Variants in TBX10 observed in about 807,000 individuals in gnomAD.
The protein encoded by TBX10 is T-box transcription factor TBX10.
Under a neutral mutation model 32.4 loss-of-function variants are expected in TBX10, and 26 were observed. That is an observed-to-expected ratio of 0.80 (90% CI 0.59 to 1.11). TBX10 has a LOEUF of 1.11. Ranked by LOEUF, TBX10 falls within the 50% of genes most tolerant of loss-of-function variation. The pLI is 0.00. For missense variants in TBX10, 490 were observed against 494.5 expected (o/e 0.99, Z 0.09); for synonymous variants, 195 against 203.1 (o/e 0.96, Z 0.34).
chr11:67,634,568 G>T (rs1855294023), intron 3 of TBX10, among the ~76,000 whole-genome samples: 1 of 152,178 alleles, frequency 6.6e-6, no homozygotes, highest in Non-Finnish European at 1.5e-5. Flanking sequence ...GATAACCCCT[G>T]CTGCCCTGGG....
chr11:67,636,529 C>CCAGA (rs60867146), intron 1 of TBX10, among the ~76,000 whole-genome samples: 69,660 of 151,144 alleles, frequency 0.46, 18,066 homozygotes, highest in East Asian at 0.67. Context: ...TTATTTTTTT[C>CCAGA]CAGAGTCTTG....
In TBX10 at chr11:67,634,293, G is replaced by A; in HGVS notation, c.445C>T (p.His149Tyr). The A allele has an allele frequency of 1.2e-6, 2 of 1,611,618 alleles. No individual in the cohort carries two copies. The highest frequency in any genetic ancestry group is 2.2e-5 in the South Asian group (2 of 91,088). The change falls in exon 4 of 8, where the codon CAC becomes TAC. Residue 149 changes from histidine (H) to tyrosine (Y), a missense_variant. By Grantham distance (83) the His-to-Tyr change is moderately conservative. Around this residue, in one of 3 missense-constraint regions of TBX10, gnomAD observed 307 missense variants for 294.9 expected, o/e 1.04. Transcript: ENST00000335385. ...KADPATPGRV[H>Y]FHPDSPAKGA... ...TTGGCTGGCGAGTCGGGGTGGAAGT[G>A]CACGCGGCCAGGTGTGGCTGGGTCT...
chr11:67,634,358 T>C lies in TBX10; in HGVS notation c.380A>G (p.Tyr127Cys). The C allele has an allele frequency of 6.2e-7, 1 of 1,602,372 alleles. No individual in the cohort carries two copies. ...CAGCCAGGCCGAGCTGTGGAAGGCA[T>C]ACCTGGGGAGCACAGCGAGGTGGTG... ...FIPLDDKRYR[Y>C]AFHSSAWLVA... The change falls in exon 4 of 8, where the codon TAT (tyrosine) becomes TGT (cysteine). Residue 127 changes from tyrosine to cysteine, a missense_variant and splice_region_variant. Tyr to Cys is a radical substitution (Grantham distance 194, BLOSUM62 -2). Coordinates refer to ENST00000335385, the MANE Select transcript of TBX10 (RefSeq NM_005995.5).
At chr11:67,636,936 GTGTCCA>G (rs1447786660) in intron 1 of TBX10, among the ~76,000 whole-genome samples, 1 of 152,246 alleles carries the variant, frequency 6.6e-6, no homozygotes, top group Non-Finnish European at 1.5e-5. Flanking sequence ...AAGCAACCCA[GTGTCCA>G]TTGGAAAATG....
chr11:67,634,765 C>G lies in TBX10; in HGVS notation c.377+51G>C, dbSNP rs563455819. ...TTGGGGTGCAGGAAGGGTCTAATTC[C>G]TGGTCTCAGCACCTGAGACCTGAGC... is the stretch of plus-strand genomic sequence containing the variant. On this transcript the variant is annotated intron_variant, in intron 3 of 7. Coordinates refer to ENST00000335385, the MANE Select transcript of TBX10 (RefSeq NM_005995.5). 1.0e-5 allele frequency: 16 copies of G among 1,582,294 alleles called. No homozygotes were observed. The East Asian group carries it at 3.6e-4, about 35-fold the overall frequency.
chr11:67,631,455 G>T lies in TBX10; in HGVS notation c.*150C>A. The T allele has an allele frequency of 9.9e-7, 1 of 1,010,904 alleles. No homozygotes were observed. Among genetic ancestry groups the T allele is most frequent in the Non-Finnish European group, 1.4e-6 (1 of 691,252 alleles). 62.6% of individuals were successfully genotyped at this position (1,010,904 alleles called of 1,614,324 possible). ...CTTGCCATGGTCCCAGCCTTGCTGTGACCCTGGGCAGGTAGCCTCTTTCTC... is the reference window on the plus strand; with the variant it reads ...CTTGCCATGGTCCCAGCCTTGCTGTTACCCTGGGCAGGTAGCCTCTTTCTC... On this transcript the variant is annotated 3_prime_UTR_variant, in exon 8 of 8. Coordinates refer to ENST00000335385, the MANE Select transcript of TBX10 (RefSeq NM_005995.5).
chr11:67,639,093 C>T (rs1164478133), intron 1 of TBX10, among the ~76,000 whole-genome samples: 2 of 152,186 alleles, frequency 1.3e-5, no homozygotes, highest in African/African-American at 2.4e-5. Flanking sequence ...AGCCAGCATT[C>T]CTCAGGGCCC....
At chr11:67,636,026 A>G (rs1363256287) in intron 1 of TBX10, among the ~76,000 whole-genome samples, 1 of 151,926 alleles carries the variant, frequency 6.6e-6, no homozygotes, top group Non-Finnish European at 1.5e-5. Flanking sequence ...AAGAAAAGAA[A>G]CCAGAAAATA....
At chr11:67,632,175 T>C in intron 7 of TBX10, 143 bp downstream of exon 7, 1 of 1,048,350 alleles carries the variant, frequency 9.5e-7, no homozygotes, top group Non-Finnish European at 1.5e-6. Flanking sequence ...CTTAGGCATG[T>C]CTGCTTCCCC....
At chr11:67,636,673 T>G (rs1024175406) in intron 1 of TBX10, among the ~76,000 whole-genome samples, 5 of 151,970 alleles carry the variant, frequency 3.3e-5, no homozygotes, top group African/African-American at 1.2e-4. Flanking sequence ...AATTTTTGTA[T>G]TTTTATTAGA....
upstream of TBX10, among the ~76,000 whole-genome samples, chr11:67,639,815 GC>G (rs34027444): frequency 6.6e-6 from 1 of 152,154 alleles, no homozygotes; most frequent in Non-Finnish European, 1.5e-5. Context: ...ACGTTGCAGA[GC>G]CCCCCTTCCT....
rs753073048 is a variant in TBX10, at chr11:67,639,617, A to G, written c.-145T>C. On this transcript the variant is annotated 5_prime_UTR_variant, in exon 1 of 8. Coordinates refer to ENST00000335385, the MANE Select transcript of TBX10 (RefSeq NM_005995.5). ...CTCACACAAGCTGTAGTCTCTCGGC[A>G]GGACGGTCCTTGCCTCCTCGATCGC... is the stretch of plus-strand genomic sequence containing the variant. The G allele has an allele frequency of 6.5e-5, 72 of 1,103,848 alleles. No individual in the cohort carries two copies. Among genetic ancestry groups the G allele is most frequent in the Non-Finnish European group, 9.5e-5 (70 of 739,870 alleles). 68.4% of individuals were successfully genotyped at this position (1,103,848 alleles called of 1,614,324 possible). A position where few individuals can be genotyped will look rare whatever the true frequency, so the allele number is the denominator to read the frequency against.
At chr11:67,633,196 C>A in intron 4 of TBX10, 93 bp from the exon 5 acceptor site, 1 of 1,475,982 alleles carries the variant, frequency 6.8e-7, no homozygotes, top group African/African-American at 1.4e-5. Context: ...GGGAGACTGC[C>A]CTGGGCCTGC....
At chr11:67,637,481 A>G (rs1855346706) in intron 1 of TBX10, among the ~76,000 whole-genome samples, 1 of 152,160 alleles carries the variant, frequency 6.6e-6, no homozygotes, top group Non-Finnish European at 1.5e-5. Context: ...TCTGGTTCCC[A>G]TTGGCCGGAA....
Position 67,631,860 on chromosome 11 carries a change from G to C in TBX10, c.903C>G (p.Thr301=), listed in dbSNP as rs747335405. 2 of 1,577,264 alleles carry C rather than the reference G, an allele frequency of 1.3e-6. No individual in the cohort carries two copies. The highest frequency in any genetic ancestry group is 3.8e-5 in the Admixed American group (2 of 52,492). ...PNKASASTSK[T]PAWLHHQLLP... The stretch of plus-strand genomic sequence containing the variant: ...GCAGCTGATGATGGAGCCAAGCAGG[G>C]GTCTTGGAGGTGGAAGCTGAAGCTT... The change falls in exon 8 of 8, where the codon ACC becomes ACG. Residue 301 remains threonine (T), a synonymous_variant. Transcript: ENST00000335385.
intron 1 of TBX10, among the ~76,000 whole-genome samples, chr11:67,637,047 T>A (rs911974418): frequency 6.6e-6 from 1 of 152,036 alleles, no homozygotes; most frequent in Admixed American, 6.6e-5. Context: ...CATGGATGAG[T>A]CCTGAAGATG....
At position 67,638,463 on chromosome 11, in the gene TBX10, C is replaced by T. The variant is rs1255183380; in HGVS notation, c.7+1003G>A. Among the ~76,000 whole-genome samples the T allele has an allele frequency of 5.9e-5, 9 of 152,150 alleles. No homozygotes were observed. In the South Asian group the frequency reaches 6.2e-4, roughly 11 times the overall value. Reference sequence around the variant, plus strand: ...CCCGAGTGGCTTTGGGATATTTACACGACTGTAAGACTATGGGATGCCTGG... The same window carrying T: ...CCCGAGTGGCTTTGGGATATTTACATGACTGTAAGACTATGGGATGCCTGG... On this transcript the variant is annotated intron_variant, in intron 1 of 7. Coordinates refer to ENST00000335385, the MANE Select transcript of TBX10 (RefSeq NM_005995.5).
intron 1 of TBX10, among the ~76,000 whole-genome samples, chr11:67,638,918 G>T (rs1855367896): frequency 6.6e-6 from 1 of 151,990 alleles, no homozygotes; most frequent in Non-Finnish European, 1.5e-5. Flanking sequence ...GGGTCCCAAG[G>T]TGGGGGGGCT....
At chr11:67,632,270 C>G in intron 7 of TBX10, 48 bp downstream of exon 7, 1 of 1,606,496 alleles carries the variant, frequency 6.2e-7, no homozygotes, top group Non-Finnish European at 8.5e-7. Flanking sequence ...GCCTTCCGCC[C>G]ACTGTGTACA....
Sources: gnomAD v4.1 joint callset for allele counts (sites outside exome capture counted in the v4.1 genomes callset) on GRCh38, gnomAD v4.1.1 for gene constraint, gnomAD v4.1.1 regional missense constraint, MANE v1.5 for transcripts, NCBI Gene and HGNC (gene_info 2026-07-23, HGNC 2026-07-21) for gene names.